The following CCDC178 variants were observed in gnomAD, a reference collection of about 807,000 sequenced individuals.
CCDC178 encodes coiled-coil domain containing 178.
A neutral mutation model predicts 117.4 loss-of-function variants in CCDC178; 126 were observed. That is an observed-to-expected ratio of 1.07 (90% CI 0.93 to 1.24). The LOEUF is 1.24. Ranked by LOEUF, CCDC178 falls within the 50% of genes most tolerant of loss-of-function variation. The pLI, the probability that CCDC178 is intolerant of heterozygous loss-of-function variation, is 0.00. For synonymous variants in CCDC178, 283 were observed against 313.4 expected, an observed-to-expected ratio of 0.90 and a Z score of 1.02; for missense variants, 1,030 against 986.9, an observed-to-expected ratio of 1.04 and a Z score of -0.59.
At chr18:33,333,453 C>A in intron 9 of CCDC178, 59 bp from the exon 10 acceptor site, 10 of 606,106 alleles carry the variant, frequency 1.6e-5, no homozygotes, top group South Asian at 2.9e-5. Flanking sequence ...TTTGATAATA[C>A]ATAAATATAA....
intron 12 of CCDC178, among the ~76,000 whole-genome samples, chr18:33,267,679 A>G (rs2059835279): frequency 6.6e-6 from 1 of 151,522 alleles, no homozygotes; most frequent in African/African-American, 2.4e-5. Context: ...ATTATTAATC[A>G]TGCTTTAGGA....
intron 20 of CCDC178, among the ~76,000 whole-genome samples, chr18:33,186,776 C>T (rs2058800059): frequency 1.3e-5 from 2 of 152,064 alleles, no homozygotes; most frequent in African/African-American, 4.8e-5. Context: ...TCCAGAACCT[C>T]TTTCCCTCCA....
chr18:32,958,680 T>C (rs781768171), intron 22 of CCDC178, among the ~76,000 whole-genome samples: 2 of 152,204 alleles, frequency 1.3e-5, no homozygotes, highest in Non-Finnish European at 2.9e-5. Flanking sequence ...CCTACTAAGG[T>C]ACATAGAAGT....
intron 9 of CCDC178, among the ~76,000 whole-genome samples, chr18:33,341,009 G>A (rs956678604): frequency 5.9e-5 from 9 of 152,102 alleles, no homozygotes; most frequent in Admixed American, 1.3e-4. Context: ...TTGCACATGT[G>A]CCTAGAAAAG....
At chr18:33,174,282 C>T (rs2058638265) in intron 20 of CCDC178, among the ~76,000 whole-genome samples, 1 of 152,164 alleles carries the variant, frequency 6.6e-6, no homozygotes, top group South Asian at 2.1e-4. Context: ...CCAAATACCT[C>T]CCATCAAGCC....
chr18:33,266,667 G>A (rs1013553559), intron 14 of CCDC178, among the ~76,000 whole-genome samples: 1 of 150,710 alleles, frequency 6.6e-6, no homozygotes, highest in Non-Finnish European at 1.5e-5. Context: ...GGGAGGGATA[G>A]CATTAGGAGA....
In CCDC178 at chr18:33,306,136, T is replaced by C. The variant is rs548209392; in HGVS notation, c.1023-12824A>G. ...TGCTCGTCCTAAGACTTATTCTTTA[T>C]GATCTAACTGAAATGGAAACATTAA... On this transcript the variant is annotated intron_variant, in intron 11 of 22. Transcript: ENST00000383096. Among the ~76,000 whole-genome samples the C allele has an allele frequency of 2.0e-5, 3 of 152,354 alleles. No homozygotes were observed. In the South Asian group the frequency reaches 6.2e-4, roughly 32 times the overall value.
intron 15 of CCDC178, among the ~76,000 whole-genome samples, chr18:33,235,617 C>T (rs1050622975): frequency 7.2e-5 from 11 of 152,118 alleles, no homozygotes; most frequent in Admixed American, 1.3e-4. Context: ...ATGATTCTAA[C>T]CTGGAACCAG....
chr18:33,319,726 C>T (rs1288461002), intron 11 of CCDC178, among the ~76,000 whole-genome samples: 1 of 152,160 alleles, frequency 6.6e-6, no homozygotes, highest in Non-Finnish European at 1.5e-5. Flanking sequence ...TTAATGATTG[C>T]CATTCTAACT....
chr18:33,348,706 C>T (rs2062929468), intron 8 of CCDC178, among the ~76,000 whole-genome samples, 184 bp downstream of exon 8: 1 of 151,798 alleles, frequency 6.6e-6, no homozygotes, highest in African/African-American at 2.4e-5. Context: ...GTATAATATT[C>T]ACTAATAAAT....
At chr18:33,130,853 C>T (rs1311440275) in intron 20 of CCDC178, among the ~76,000 whole-genome samples, 1 of 151,886 alleles carries the variant, frequency 6.6e-6, no homozygotes, top group Non-Finnish European at 1.5e-5. Flanking sequence ...CTGTGTATTT[C>T]CTTTCCTCAG....
chr18:33,066,006 C>T (rs1015973685), intron 21 of CCDC178, among the ~76,000 whole-genome samples: 5 of 151,718 alleles, frequency 3.3e-5, no homozygotes, highest in African/African-American at 9.7e-5. Context: ...GGACTACAGG[C>T]GCCTGCCATC....
intron 14 of CCDC178, among the ~76,000 whole-genome samples, chr18:33,247,464 T>C (rs2059564805): frequency 1.3e-5 from 2 of 151,738 alleles, no homozygotes; most frequent in South Asian, 4.1e-4. Context: ...TAAAATAGTT[T>C]TGAAATAGAA....
At chr18:33,274,017 T>A (rs2144794172) in intron 12 of CCDC178, among the ~76,000 whole-genome samples, 1 of 151,870 alleles carries the variant, frequency 6.6e-6, no homozygotes. Context: ...ATATCTGGAC[T>A]ACAGAAAGAA....
intron 2 of CCDC178, among the ~76,000 whole-genome samples, chr18:33,431,069 C>T (rs1244963931): frequency 2.3e-5 from 3 of 130,006 alleles, no homozygotes; most frequent in African/African-American, 5.7e-5. Flanking sequence ...TGCGAGACTA[C>T]GTCTCAAAAA....
At chr18:33,240,512 A>C (rs1599040246) in intron 15 of CCDC178, among the ~76,000 whole-genome samples, 1 of 151,948 alleles carries the variant, frequency 6.6e-6, no homozygotes. Context: ...AAATGAATAC[A>C]ATCAGAAACA....
chr18:33,392,360 G>T (rs1489041931), intron 4 of CCDC178, among the ~76,000 whole-genome samples: 1 of 152,094 alleles, frequency 6.6e-6, no homozygotes, highest in South Asian at 2.1e-4. Flanking sequence ...ACGAGATGAG[G>T]TTTTCCCATA....
In CCDC178 at chr18:33,224,932, T is replaced by G. The variant is rs2059285305; in HGVS notation, c.1661A>C (p.Lys554Thr). 1.4e-6 allele frequency: 2 copies of G among 1,470,814 alleles called. No homozygotes were observed. Among genetic ancestry groups the G allele is most frequent in the Admixed American group, 5.0e-5 (2 of 40,366 alleles). The allele number at this position is 1,470,814 out of a possible 1,614,324, so 91.1% of individuals were successfully genotyped here. ...CTGGACTTCGTAAATGGAATATAGT[T>G]TTTTCTGCCAGCAAAGATTTTAAAT... ...EVAAGMVLQK[K>T]LYSIYEVQAL... Residue 554 changes from lysine to threonine, a missense_variant, in exon 17 of 23, where the codon AAA becomes ACA. Transcript: ENST00000383096.
intron 21 of CCDC178, among the ~76,000 whole-genome samples, chr18:33,012,211 T>C (rs1179262154): frequency 1.3e-5 from 2 of 152,172 alleles, no homozygotes; most frequent in African/African-American, 2.4e-5. Flanking sequence ...TGCAAAACAT[T>C]ATATTATTTT....
Sources: gnomAD v4.1 joint callset for allele counts (sites outside exome capture counted in the v4.1 genomes callset) on GRCh38, gnomAD v4.1.1 for gene constraint, MANE v1.5 for transcripts, NCBI Gene and HGNC (gene_info 2026-07-23, HGNC 2026-07-21) for gene names.